The following FIP1L1 variants were observed in gnomAD, a reference collection of about 807,000 sequenced individuals.
FIP1L1 encodes pre-mRNA 3'-end-processing factor FIP1.
A neutral mutation model predicts 84.6 loss-of-function variants in FIP1L1; 21 were observed. The observed-to-expected ratio is 0.25, with a 90% CI of 0.18 to 0.36. The LOEUF (loss-of-function observed/expected upper bound fraction) is 0.36. FIP1L1 is among the 10% of genes least tolerant of loss of function. FIP1L1 has a pLI of 1.00. For missense variants in FIP1L1, 526 were observed against 751.1 expected (o/e 0.70, Z 3.50); for synonymous variants, 263 against 242.3 (o/e 1.09, Z -0.80).
At position 53,409,076 on chromosome 4, in the gene FIP1L1, T is replaced by G. The variant is rs190882970; in HGVS notation, c.816-5539T>G. 1.2e-3 allele frequency among the ~76,000 whole-genome samples: 177 copies of G among 152,276 alleles called. 2 individuals carry two copies. The highest frequency in any genetic ancestry group is 4.0e-3 in the African/African-American group (165 of 41,550). Reference sequence around the variant, plus strand: ...TTTGGAGGAGGAGAGGCACTCTGCTTTTTAGAGTTTCGAGTTTTTCTGCTC... The same window carrying G: ...TTTGGAGGAGGAGAGGCACTCTGCTGTTTAGAGTTTCGAGTTTTTCTGCTC... On this transcript the variant is annotated intron_variant, in intron 10 of 17. Transcript: ENST00000337488.
intron 13 of FIP1L1, among the ~76,000 whole-genome samples, chr4:53,437,326 C>CAAAAAAAAAA (rs55957570): frequency 6.2e-5 from 4 of 64,510 alleles, no homozygotes; most frequent in African/African-American, 1.6e-4. Context: ...CTGTCTCAAC[C>CAAAAAAAAAA]AAAAAAAAAA....
chr4:53,403,777 G>A (rs952902195), intron 10 of FIP1L1, among the ~76,000 whole-genome samples: 2 of 152,180 alleles, frequency 1.3e-5, no homozygotes, highest in Admixed American at 6.5e-5. Flanking sequence ...GTTGCCCAAT[G>A]CCGGCTGCAG....
chr4:53,460,412 T>C lies in FIP1L1; in HGVS notation c.*963T>C, dbSNP rs1490987102. On this transcript the variant is annotated 3_prime_UTR_variant, in exon 18 of 18. Transcript: ENST00000337488. ...ACTAGGATCTTTTAAATAGTGATAA[T>C]ACAAAAGTAATCTTAATTAGTATCA... is the stretch of plus-strand genomic sequence containing the variant. 5.3e-6 allele frequency: 1 copy of C among 189,542 alleles called. No homozygotes were observed. The highest frequency in any genetic ancestry group is 1.1e-5 in the Non-Finnish European group (1 of 90,644). 11.7% of individuals were successfully genotyped at this position (189,542 alleles called of 1,614,324 possible).
Position 53,415,061 on chromosome 4 carries a change from A to C in FIP1L1, c.923+339A>C, listed in dbSNP as rs183517181. Among the ~76,000 whole-genome samples the C allele has an allele frequency of 3.3e-5, 5 of 152,108 alleles. No individual in the cohort carries two copies. In the East Asian group the frequency reaches 9.7e-4, roughly 29 times the overall value. On this transcript the variant is annotated intron_variant, in intron 11 of 17. Transcript: ENST00000337488. ...AATTCCCAGGTGCTTTTCACTACTT[A>C]TCGAATAAAACCTAACATTCTGAGC...
At chr4:53,385,075 A>T (rs558958036) in intron 5 of FIP1L1, among the ~76,000 whole-genome samples, 15 of 152,200 alleles carry the variant, frequency 9.9e-5, no homozygotes, top group African/African-American at 3.6e-4. Context: ...AAAGAGGCTG[A>T]TTTTTCATGT....
chr4:53,399,496 A>G (rs538476907), intron 9 of FIP1L1, among the ~76,000 whole-genome samples: 91 of 152,236 alleles, frequency 6.0e-4, no homozygotes, highest in Non-Finnish European at 1.1e-3. Context: ...TTCGGCTTCT[A>G]AGTGTTATTA....
Position 53,377,904 on chromosome 4 carries a change from GGAA to G in FIP1L1, c.69_71del (p.Glu24del). 5.6e-6 allele frequency: 9 copies of G among 1,599,454 alleles called. No individual in the cohort carries two copies. The highest frequency in any genetic ancestry group is 7.7e-6 in the Non-Finnish European group (9 of 1,173,014). ...GCGGCGGGACCGGAGGGGATGAGGA[GGAA>G]GAGTGGCTCTATGGCGGTACGAAAC... On this transcript the variant is annotated inframe_deletion, in exon 1 of 18. Coordinates refer to ENST00000337488, the MANE Select transcript of FIP1L1 (RefSeq NM_030917.4).
At chr4:53,406,766 A>G (rs138378352) in intron 10 of FIP1L1, among the ~76,000 whole-genome samples, 1 of 152,200 alleles carries the variant, frequency 6.6e-6, no homozygotes, top group Non-Finnish European at 1.5e-5. Flanking sequence ...GAATTTATCC[A>G]TGTCTTCTAG....
intron 5 of FIP1L1, among the ~76,000 whole-genome samples, chr4:53,384,592 T>C (rs1472413257): frequency 6.6e-6 from 1 of 152,222 alleles, no homozygotes; most frequent in East Asian, 1.9e-4. Context: ...AATAGTGTTT[T>C]CAGGTTTCTA....
At chr4:53,404,257 G>T (rs13152101) in intron 10 of FIP1L1, among the ~76,000 whole-genome samples, 35 of 145,406 alleles carry the variant, frequency 2.4e-4, no homozygotes, top group African/African-American at 8.2e-4. Context: ...GAGAATATGC[G>T]GTGTTTGGTT....
At position 53,460,854 on chromosome 4, in the gene FIP1L1, A is replaced by AACTT; in HGVS notation, c.*1406_*1409dup. 1 of 1,494,248 alleles carries AACTT rather than the reference A, an allele frequency of 6.7e-7. No homozygotes were observed. The highest frequency in any genetic ancestry group is 9.1e-7 in the Non-Finnish European group (1 of 1,096,736). 92.6% of individuals were successfully genotyped at this position (1,494,248 alleles called of 1,614,324 possible). A position where few individuals can be genotyped will look rare whatever the true frequency, so the allele number is the denominator to read the frequency against. Reference sequence around the variant, plus strand: ...ACTGACAAGATAAATATAGTGTTTCAACTTCTTAGCCTATTTGTGATTTTT... The same window carrying AACTT: ...ACTGACAAGATAAATATAGTGTTTCAACTTACTTCTTAGCCTATTTGTGATTTTT... On this transcript the variant is annotated 3_prime_UTR_variant, in exon 18 of 18. Transcript: ENST00000337488.
chr4:53,408,419 C>T (rs1755046782), intron 10 of FIP1L1, among the ~76,000 whole-genome samples: 1 of 152,142 alleles, frequency 6.6e-6, no homozygotes, highest in African/African-American at 2.4e-5. Context: ...TCTCTGGCTG[C>T]CCTGAACATT....
intron 11 of FIP1L1, among the ~76,000 whole-genome samples, chr4:53,422,116 A>ATATG (rs1300303263): frequency 2.4e-4 from 37 of 152,152 alleles, no homozygotes; most frequent in African/African-American, 8.9e-4. Flanking sequence ...GGAATTTTGG[A>ATATG]GACTTTATTT....
chr4:53,425,332 T>A (rs1246920043), intron 11 of FIP1L1, among the ~76,000 whole-genome samples: 1 of 152,098 alleles, frequency 6.6e-6, no homozygotes, highest in Non-Finnish European at 1.5e-5. Context: ...ATTTAAATAT[T>A]TGAATTTTTC....
At chr4:53,438,318 T>TA (rs2150171069) in intron 13 of FIP1L1, among the ~76,000 whole-genome samples, 1 of 152,334 alleles carries the variant, frequency 6.6e-6, no homozygotes, top group African/African-American at 2.4e-5. Flanking sequence ...TCTCTTCCCT[T>TA]ACACTGTTTC....
intron 5 of FIP1L1, among the ~76,000 whole-genome samples, chr4:53,388,479 C>T (rs545582136): frequency 1.3e-5 from 2 of 152,154 alleles, no homozygotes; most frequent in East Asian, 1.9e-4. Context: ...GGATTACAGG[C>T]GCCCACCCCC....
At chr4:53,419,839 G>A (rs1229326622) in intron 11 of FIP1L1, among the ~76,000 whole-genome samples, 9 of 152,112 alleles carry the variant, frequency 5.9e-5, no homozygotes, top group South Asian at 4.1e-4. Flanking sequence ...TCAGCCAGGC[G>A]CAATGGCTCA....
In FIP1L1 at chr4:53,414,678, G is replaced by A. The variant is rs1416478765; in HGVS notation, c.879G>A (p.Gly293=). 6.2e-7 allele frequency: 1 copy of A among 1,613,506 alleles called. No individual in the cohort carries two copies. The highest frequency in any genetic ancestry group is 1.1e-5 in the South Asian group (1 of 91,028). The part of the protein sequence containing the change: ...TASRKANSSV[G]KWQDRYGRAE... The stretch of plus-strand genomic sequence containing the variant: ...CCAGAAAAGCCAATTCAAGCGTTGG[G>A]AAGTGGCAGGATCGATATGGGAGGG... Residue 293 remains glycine (G), a synonymous_variant, in exon 11 of 18, where the codon GGG becomes GGA. Transcript: ENST00000337488.
At chr4:53,457,695 C>T (rs1365456943) in intron 16 of FIP1L1, among the ~76,000 whole-genome samples, 1 of 152,004 alleles carries the variant, frequency 6.6e-6, no homozygotes, top group Non-Finnish European at 1.5e-5. Context: ...CAAAGCTCTT[C>T]AGCATATTCT....
Sources: gnomAD v4.1 joint callset for allele counts (sites outside exome capture counted in the v4.1 genomes callset) on GRCh38, gnomAD v4.1.1 for gene constraint, MANE v1.5 for transcripts, NCBI Gene and HGNC (gene_info 2026-07-23, HGNC 2026-07-21) for gene names.